CSMD1: variants seen among roughly 807,000 people sequenced by gnomAD.
CSMD1 encodes the protein CUB and sushi domain-containing protein 1.
Under a neutral mutation model 417.5 loss-of-function variants are expected in CSMD1, and 213 were observed. That is an observed-to-expected ratio of 0.51 (90% confidence interval 0.46 to 0.57). CSMD1 has a LOEUF of 0.57. Among genes scored for constraint, CSMD1 ranks in the 20% least tolerant of loss-of-function variants. The pLI is 0.00. For missense variants in CSMD1, 6,923 were observed against 4,529.7 expected (o/e 1.53, Z -15.17); for synonymous variants, 2,862 against 1,736.8 (o/e 1.65, Z -16.11).
chr8:3,458,445 CTG>C (rs1352237442), intron 12 of CSMD1, among the ~76,000 whole-genome samples: 1 of 152,146 alleles, frequency 6.6e-6, no homozygotes, highest in African/African-American at 2.4e-5. Context: ...AAAGTTAAGA[CTG>C]TCCTGAATGT....
chr8:2,982,881 G>A (rs1230792796), intron 54 of CSMD1, among the ~76,000 whole-genome samples: 3 of 152,132 alleles, frequency 2.0e-5, no homozygotes, highest in East Asian at 1.9e-4. Context: ...CCACCTGTCT[G>A]CACGCTGGTC....
chr8:3,807,284 T>A (rs892992312), intron 5 of CSMD1, among the ~76,000 whole-genome samples: 3 of 152,170 alleles, frequency 2.0e-5, no homozygotes, highest in Non-Finnish European at 4.4e-5. Flanking sequence ...AAGCAACCTA[T>A]ACCGCATGCC....
At chr8:3,020,106 C>T (rs1035151175) in intron 51 of CSMD1, among the ~76,000 whole-genome samples, 1 of 152,152 alleles carries the variant, frequency 6.6e-6, no homozygotes, top group African/African-American at 2.4e-5. Context: ...CTGGTTCTGC[C>T]AGACAGGAGC....
intron 2 of CSMD1, among the ~76,000 whole-genome samples, chr8:4,442,761 CAA>C (rs1482491059): frequency 6.6e-6 from 1 of 152,074 alleles, no homozygotes; most frequent in African/African-American, 2.4e-5. Context: ...GCATATAATC[CAA>C]AGACAGTAAT....
chr8:4,527,608 C>T (rs1159407151), intron 2 of CSMD1, among the ~76,000 whole-genome samples: 3 of 151,934 alleles, frequency 2.0e-5, no homozygotes, highest in Non-Finnish European at 4.4e-5. Flanking sequence ...TTGGTAGGGC[C>T]CCATATTGCA....
At chr8:4,043,016 C>G (rs1797971763) in intron 3 of CSMD1, among the ~76,000 whole-genome samples, 1 of 151,706 alleles carries the variant, frequency 6.6e-6, no homozygotes, top group African/African-American at 2.4e-5. Context: ...CCTGTAGTCC[C>G]AGCTACTTGG....
intron 26 of CSMD1, among the ~76,000 whole-genome samples, chr8:3,255,695 C>T (rs1800599399): frequency 6.6e-6 from 1 of 152,170 alleles, no homozygotes; most frequent in African/African-American, 2.4e-5. Flanking sequence ...TCCTGGTGTG[C>T]CGTTTGCTAA....
chr8:2,943,362 G>C (rs1345136598), intron 68 of CSMD1, among the ~76,000 whole-genome samples: 1 of 151,644 alleles, frequency 6.6e-6, no homozygotes, highest in South Asian at 2.1e-4. Context: ...CAAGTAGCTG[G>C]GATGACAGGT....
chr8:4,480,481 C>G (rs899169085), intron 2 of CSMD1, among the ~76,000 whole-genome samples: 1 of 152,194 alleles, frequency 6.6e-6, no homozygotes, highest in Non-Finnish European at 1.5e-5. Flanking sequence ...GGGGCCTCAG[C>G]TAGTTGTATT....
intron 5 of CSMD1, among the ~76,000 whole-genome samples, chr8:3,834,979 A>C (rs983880271): frequency 6.6e-6 from 1 of 152,156 alleles, no homozygotes; most frequent in Non-Finnish European, 1.5e-5. Context: ...GCTCATCATC[A>C]CTGGCCATCA....
At chr8:4,256,904 G>C (rs1803497743) in intron 3 of CSMD1, among the ~76,000 whole-genome samples, 1 of 152,326 alleles carries the variant, frequency 6.6e-6, no homozygotes, top group Middle Eastern at 3.4e-3. Flanking sequence ...TTCAGAATGA[G>C]TTTGCAGAAT....
intron 46 of CSMD1, among the ~76,000 whole-genome samples, chr8:3,099,374 G>A (rs1482964871): frequency 2.0e-5 from 3 of 152,024 alleles, no homozygotes; most frequent in Non-Finnish European, 1.5e-5. Context: ...CCCTCATTTT[G>A]TAAGCTCAGG....
Position 3,417,762 on chromosome 8 carries a change from T to G in CSMD1, c.1562-8157A>C, listed in dbSNP as rs144425969. Among the ~76,000 whole-genome samples, 1,247 of 152,296 alleles carry G rather than the reference T, an allele frequency of 8.2e-3. 16 individuals are homozygous for G. The highest frequency in any genetic ancestry group is 0.028 in the African/African-American group (1,177 of 41,568). On this transcript the variant is annotated intron_variant, in intron 12 of 69. Transcript: ENST00000635120. Reference sequence around the variant, plus strand: ...GACTTTCACTCAGAAATCCCTAAACTAATTGATATATTTTCATCACCTTCG... The same window carrying G: ...GACTTTCACTCAGAAATCCCTAAACGAATTGATATATTTTCATCACCTTCG...
intron 5 of CSMD1, among the ~76,000 whole-genome samples, chr8:3,873,388 A>T (rs575193737): frequency 3.3e-5 from 5 of 152,154 alleles, no homozygotes; most frequent in African/African-American, 9.7e-5. Flanking sequence ...AAAAAATGAG[A>T]TCATGTCCTT....
intron 2 of CSMD1, among the ~76,000 whole-genome samples, chr8:4,470,577 A>C (rs1293349656): frequency 6.6e-6 from 1 of 152,214 alleles, no homozygotes; most frequent in Non-Finnish European, 1.5e-5. Context: ...TGTACAACCA[A>C]ATAATATAAC....
intron 2 of CSMD1, among the ~76,000 whole-genome samples, chr8:4,447,834 T>C (rs1798903572): frequency 6.6e-6 from 1 of 152,186 alleles, no homozygotes; most frequent in Non-Finnish European, 1.5e-5. Flanking sequence ...TTCAAAGATT[T>C]AAGTGATAAA....
At chr8:3,166,256 C>G (rs1820206783) in intron 37 of CSMD1, among the ~76,000 whole-genome samples, 1 of 152,072 alleles carries the variant, frequency 6.6e-6, no homozygotes, top group African/African-American at 2.4e-5. Flanking sequence ...TTAGGCTGGG[C>G]ATGGTGACTC....
At chr8:3,662,568 G>A (rs1013560322) in intron 7 of CSMD1, among the ~76,000 whole-genome samples, 6 of 152,288 alleles carry the variant, frequency 3.9e-5, no homozygotes, top group East Asian at 1.9e-4. Context: ...TAATGGGATC[G>A]CTAGGTCAAA....
chr8:3,995,794 A>T (rs1815167894), intron 5 of CSMD1, among the ~76,000 whole-genome samples: 1 of 152,240 alleles, frequency 6.6e-6, no homozygotes, highest in African/African-American at 2.4e-5. Flanking sequence ...TCCCCGGCTA[A>T]TCATGGCTAT....
Sources: gnomAD v4.1 joint callset for allele counts (sites outside exome capture counted in the v4.1 genomes callset) on GRCh38, gnomAD v4.1.1 for gene constraint, MANE v1.5 for transcripts, NCBI Gene and HGNC (gene_info 2026-07-23, HGNC 2026-07-21) for gene names.